SP4: variants seen among roughly 807,000 people sequenced by gnomAD.
The protein encoded by SP4 is transcription factor Sp4.
In SP4, 19 loss-of-function variants were observed where a neutral mutation model predicts 72.8. That is an observed-to-expected ratio of 0.26 (90% confidence interval 0.18 to 0.38). SP4 has a LOEUF of 0.38. Ranked by LOEUF, SP4 falls within the 10% of genes least tolerant of loss-of-function variation. The pLI is 1.00. For synonymous variants in SP4, 395 were observed against 333.1 expected (o/e 1.19, Z -2.02); for missense variants, 1,008 against 926.3 (o/e 1.09, Z -1.14).
intron 3 of SP4, among the ~76,000 whole-genome samples, chr7:21,451,347 C>G (rs1055117659): frequency 6.6e-6 from 1 of 152,148 alleles, no homozygotes; most frequent in Non-Finnish European, 1.5e-5. Flanking sequence ...ATTAGAGCGA[C>G]AGTTTAACAA....
intron 4 of SP4, among the ~76,000 whole-genome samples, chr7:21,480,489 C>G (rs527467615): frequency 2.6e-5 from 4 of 152,278 alleles, no homozygotes; most frequent in Admixed American, 2.0e-4. Context: ...TTGTCCATCT[C>G]CTCTGAGTTA....
chr7:21,486,271 CAT>C (rs1562619736), intron 5 of SP4, among the ~76,000 whole-genome samples: 2 of 151,822 alleles, frequency 1.3e-5, no homozygotes. Flanking sequence ...GCAAAGCTAG[CAT>C]AGAGTTCGCA....
chr7:21,446,394 T>C (rs907115899), intron 3 of SP4, among the ~76,000 whole-genome samples: 2 of 152,122 alleles, frequency 1.3e-5, no homozygotes, highest in African/African-American at 4.8e-5. Context: ...AAAGCAAACA[T>C]GTTTCATTCC....
intron 3 of SP4, among the ~76,000 whole-genome samples, chr7:21,437,456 G>A (rs983304807): frequency 6.6e-6 from 1 of 152,114 alleles, no homozygotes; most frequent in Non-Finnish European, 1.5e-5. Context: ...ACCTCCTTAC[G>A]AGGTCTCACA....
rs539202276 is a variant in SP4 at position 21,512,515 on chromosome 7, GA to G, written c.*1253del. Reference sequence around the variant, plus strand: ...ATTTTCAGTGAAGTAAGTGACTAAAGAAAAAAACTATATTATTGTTTATGCA... The same window carrying G: ...ATTTTCAGTGAAGTAAGTGACTAAAGAAAAAACTATATTATTGTTTATGCA... On this transcript the variant is annotated 3_prime_UTR_variant, in exon 6 of 6. Transcript: ENST00000222584. 3 of 148,292 alleles carry G rather than the reference GA, an allele frequency of 2.0e-5. No individual in the cohort carries two copies. The highest frequency in any genetic ancestry group is 6.7e-5 in the Admixed American group (1 of 14,884). The allele number at this position is 148,292 out of a possible 1,614,324, so 9.2% of individuals were successfully genotyped here.
intron 4 of SP4, among the ~76,000 whole-genome samples, chr7:21,480,368 A>G (rs770328025): frequency 1.2e-4 from 18 of 152,188 alleles, no homozygotes; most frequent in South Asian, 2.1e-4. Flanking sequence ...GGCTTTTCTT[A>G]TGGGTAGTTT....
At chr7:21,486,244 A>G (rs1456840310) in intron 5 of SP4, among the ~76,000 whole-genome samples, 1 of 150,900 alleles carries the variant, frequency 6.6e-6, no homozygotes, top group Non-Finnish European at 1.5e-5. Flanking sequence ...AAATAATTTT[A>G]TACTTAGAGA....
intron 3 of SP4, among the ~76,000 whole-genome samples, chr7:21,448,244 G>C (rs1783485677): frequency 6.6e-6 from 1 of 151,400 alleles, no homozygotes; most frequent in African/African-American, 2.4e-5. Context: ...TTGAGGTCTA[G>C]CTCACTACTA....
In SP4 at chr7:21,430,584, G is replaced by A; in HGVS notation, c.1419G>A (p.Gln473=). 6.2e-7 allele frequency: 1 copy of A among 1,614,212 alleles called. No homozygotes were observed. The change falls in exon 3 of 6, where the codon CAG becomes CAA. Residue 473 remains glutamine, a synonymous_variant. Coordinates refer to ENST00000222584, the MANE Select transcript of SP4 (RefSeq NM_003112.5). ...GGCAAATCAGTTGGCAAACTGTACA[G>A]GTTCAGAATATTCAGAGTCTTTCAA... is the stretch of plus-strand genomic sequence containing the variant. ...PSGQISWQTV[Q]VQNIQSLSNL...
rs942743669 is a variant in SP4 at position 21,511,410 on chromosome 7, G to A, written c.*141G>A. 1.8e-5 allele frequency: 15 copies of A among 826,300 alleles called. No individual in the cohort carries two copies. The highest frequency in any genetic ancestry group is 2.8e-5 in the Admixed American group (1 of 36,122). The allele number at this position is 826,300 out of a possible 1,614,324, so 51.2% of individuals were successfully genotyped here. A position where few individuals can be genotyped will look rare whatever the true frequency, so the allele number is the denominator to read the frequency against. Reference sequence around the variant, plus strand: ...TTCTTTAAGTATTCCAGGGTTTGGGGTCAACACGTGAAGTGTTGAATTTTA... The same window carrying A: ...TTCTTTAAGTATTCCAGGGTTTGGGATCAACACGTGAAGTGTTGAATTTTA... On this transcript the variant is annotated 3_prime_UTR_variant, in exon 6 of 6. Coordinates refer to ENST00000222584, the MANE Select transcript of SP4 (RefSeq NM_003112.5).
At chr7:21,463,298 A>G (rs886156656) in intron 3 of SP4, among the ~76,000 whole-genome samples, 1 of 152,174 alleles carries the variant, frequency 6.6e-6, no homozygotes, top group Non-Finnish European at 1.5e-5. Flanking sequence ...ACAGAGGGAA[A>G]AAAATTGGAA....
intron 3 of SP4, among the ~76,000 whole-genome samples, chr7:21,449,271 C>T (rs937814803): frequency 2.0e-5 from 3 of 152,198 alleles, no homozygotes; most frequent in African/African-American, 4.8e-5. Flanking sequence ...GTTTCTACTC[C>T]TGCTTTTGTC....
chr7:21,454,350 A>C (rs1783695330), intron 3 of SP4, among the ~76,000 whole-genome samples: 1 of 95,282 alleles, frequency 1.0e-5, no homozygotes, highest in African/African-American at 4.5e-5. Context: ...ATTCCCTTTT[A>C]CTAACTTTTT....
chr7:21,490,578 T>C (rs1210065575), intron 5 of SP4, among the ~76,000 whole-genome samples: 1 of 152,206 alleles, frequency 6.6e-6, no homozygotes, highest in Non-Finnish European at 1.5e-5. Context: ...TTGGCTTTTC[T>C]AGCCGGAGGA....
intron 3 of SP4, among the ~76,000 whole-genome samples, chr7:21,458,715 C>T (rs978586173): frequency 6.6e-6 from 1 of 152,120 alleles, no homozygotes; most frequent in Admixed American, 6.5e-5. Flanking sequence ...GAATTCCCTA[C>T]TACTGAAGAT....
intron 3 of SP4, among the ~76,000 whole-genome samples, chr7:21,444,142 A>G (rs2128395799): frequency 6.6e-6 from 1 of 152,342 alleles, no homozygotes; most frequent in East Asian, 1.9e-4. Context: ...GACTGCATCC[A>G]TGAATTCAGT....
intron 3 of SP4, among the ~76,000 whole-genome samples, chr7:21,461,694 G>A (rs1313555021): frequency 1.3e-5 from 2 of 152,206 alleles, no homozygotes; most frequent in African/African-American, 4.8e-5. Context: ...GGGCTCCCAC[G>A]ATGCAGCGGT....
chr7:21,504,493 A>G (rs754453557), intron 5 of SP4, among the ~76,000 whole-genome samples: 44 of 152,132 alleles, frequency 2.9e-4, no homozygotes, highest in Admixed American at 5.2e-4. Context: ...CAGCATTGCC[A>G]TCTCTCGTTC....
At chr7:21,443,733 G>C (rs959043103) in intron 3 of SP4, among the ~76,000 whole-genome samples, 10 of 152,158 alleles carry the variant, frequency 6.6e-5, no homozygotes, top group Admixed American at 2.0e-4. Context: ...ATGCCAGGGA[G>C]TTGAAGGAGA....
Sources: allele counts gnomAD v4.1 joint callset (sites outside exome capture counted in the v4.1 genomes callset), GRCh38; gene constraint gnomAD v4.1.1; transcripts MANE v1.5; gene names NCBI Gene and HGNC (gene_info 2026-07-23, HGNC 2026-07-21).